Variants in PLCH1 observed in about 807,000 individuals in gnomAD.
PLCH1 encodes 1-phosphatidylinositol 4,5-bisphosphate phosphodiesterase eta-1.
Under a neutral mutation model 126.7 loss-of-function variants are expected in PLCH1, and 60 were observed. That is an observed-to-expected ratio of 0.47 (90% CI 0.38 to 0.59). PLCH1 has a LOEUF of 0.59. Ranked by LOEUF, PLCH1 falls within the 20% of genes least tolerant of loss-of-function variation. The pLI, the probability that PLCH1 is intolerant of heterozygous loss-of-function variation, is 0.00. For synonymous variants in PLCH1, 719 were observed against 734.9 expected (o/e 0.98, Z 0.35); for missense variants, 1,723 against 2,040.0 (o/e 0.84, Z 2.99).
At chr3:155,659,644 G>A (rs191928517) in intron 2 of PLCH1, among the ~76,000 whole-genome samples, 331 of 151,778 alleles carry the variant, frequency 2.2e-3, no homozygotes, top group Non-Finnish European at 4.1e-3. Context: ...GATGACAGGC[G>A]CCCACCACCA....
At chr3:155,541,333 A>G (rs1286743353) in intron 10 of PLCH1, among the ~76,000 whole-genome samples, 1 of 152,206 alleles carries the variant, frequency 6.6e-6, no homozygotes, top group Admixed American at 6.5e-5. Context: ...ATCACCACTA[A>G]AAAACTTATC....
chr3:155,579,395 C>A (rs753447118), intron 6 of PLCH1, among the ~76,000 whole-genome samples: 14 of 152,218 alleles, frequency 9.2e-5, no homozygotes, highest in Non-Finnish European at 1.5e-4. Flanking sequence ...ATTTAATTCT[C>A]ACTCTACTCT....
Position 155,584,965 on chromosome 3 carries a change from G to T in PLCH1, c.600+1100C>A, listed in dbSNP as rs188040872. 3.9e-5 allele frequency among the ~76,000 whole-genome samples: 6 copies of T among 152,210 alleles called. No individual in the cohort carries two copies. In the East Asian group the frequency reaches 1.2e-3, roughly 29 times the overall value. Reference sequence around the variant, plus strand: ...GCTCACAGCAGGGCAAAAGTGAGATGACACGGAATACCAGAAACATGGCAA... The same window carrying T: ...GCTCACAGCAGGGCAAAAGTGAGATTACACGGAATACCAGAAACATGGCAA... On this transcript the variant is annotated intron_variant, in intron 5 of 22. Coordinates refer to ENST00000460012, the MANE Select transcript of PLCH1 (RefSeq NM_014996.4).
chr3:155,567,746 C>T (rs1312707737), intron 7 of PLCH1, among the ~76,000 whole-genome samples: 1 of 152,310 alleles, frequency 6.6e-6, no homozygotes, highest in South Asian at 2.1e-4. Context: ...TTGAGCCTCA[C>T]TTCCTCAACT....
rs545552918 is a variant in PLCH1, at chr3:155,583,074, T to C, written c.771+398A>G. Among the ~76,000 whole-genome samples, 30 of 150,190 alleles carry C rather than the reference T, an allele frequency of 2.0e-4. No homozygotes were observed. In the South Asian group the frequency reaches 5.8e-3, roughly 29 times the overall value. On this transcript the variant is annotated intron_variant, in intron 6 of 22. Coordinates refer to ENST00000460012, the MANE Select transcript of PLCH1 (RefSeq NM_014996.4). ...TTATTAGTATAAATATAAATTTATA[T>C]TTAAAATAAATAAATTTGACTAAAT... is the stretch of plus-strand genomic sequence containing the variant.
intron 21 of PLCH1, among the ~76,000 whole-genome samples, chr3:155,473,771 A>G (rs1233316400): frequency 1.5e-4 from 22 of 151,320 alleles, no homozygotes; most frequent in Middle Eastern, 3.4e-3. Flanking sequence ...AAATAACACC[A>G]CATATCTACA....
At chr3:155,697,814 G>A (rs1003855872) in intron 2 of PLCH1, among the ~76,000 whole-genome samples, 5 of 152,202 alleles carry the variant, frequency 3.3e-5, no homozygotes, top group African/African-American at 1.2e-4. Flanking sequence ...CTTGGTAACA[G>A]AGGGAGCCAG....
At chr3:155,566,186 T>TATATGTATATATAC in intron 7 of PLCH1, among the ~76,000 whole-genome samples, 1 of 56,040 alleles carries the variant, frequency 1.8e-5, no homozygotes. Context: ...TATATACACA[T>TATATGTATATATAC]ATATATACAC....
chr3:155,500,431 G>A (rs2108136276), intron 14 of PLCH1, among the ~76,000 whole-genome samples: 1 of 152,300 alleles, frequency 6.6e-6, no homozygotes, highest in African/African-American at 2.4e-5. Context: ...CTTTGTATTA[G>A]TTCATGTGCT....
At chr3:155,555,714 C>T (rs975243707) in intron 8 of PLCH1, among the ~76,000 whole-genome samples, 20 of 152,260 alleles carry the variant, frequency 1.3e-4, no homozygotes, top group Non-Finnish European at 2.1e-4. Flanking sequence ...TGTGTCTTTT[C>T]TTCTTTCTTT....
chr3:155,610,885 A>G (rs1051450145), intron 2 of PLCH1, among the ~76,000 whole-genome samples: 7 of 152,196 alleles, frequency 4.6e-5, no homozygotes, highest in Admixed American at 2.0e-4. Context: ...TTGAATATAA[A>G]TGGCCTAAAT....
chr3:155,729,631 T>A (rs547221180), intron 1 of PLCH1, among the ~76,000 whole-genome samples: 111 of 152,318 alleles, frequency 7.3e-4, no homozygotes, highest in African/African-American at 2.6e-3. Context: ...AAAGAACATA[T>A]AAGGAAATTG....
At chr3:155,588,162 C>T (rs1005633835) in intron 4 of PLCH1, among the ~76,000 whole-genome samples, 4 of 152,094 alleles carry the variant, frequency 2.6e-5, no homozygotes, top group African/African-American at 7.2e-5. Flanking sequence ...ATTTTCAGAT[C>T]GCCTTACTTC....
chr3:155,463,122 C>G (rs1207972328), intron 21 of PLCH1, among the ~76,000 whole-genome samples: 1 of 152,158 alleles, frequency 6.6e-6, no homozygotes, highest in African/African-American at 2.4e-5. Flanking sequence ...TGTATTTCCT[C>G]TCCTGTCTCT....
intron 10 of PLCH1, among the ~76,000 whole-genome samples, chr3:155,539,160 A>T (rs996919551): frequency 9.9e-5 from 15 of 152,202 alleles, no homozygotes; most frequent in African/African-American, 3.6e-4. Context: ...AAATCACATG[A>T]TCATCTCAAT....
intron 12 of PLCH1, among the ~76,000 whole-genome samples, chr3:155,505,168 G>C (rs914401416): frequency 6.6e-6 from 1 of 152,150 alleles, no homozygotes; most frequent in Non-Finnish European, 1.5e-5. Flanking sequence ...GATTGTTTTT[G>C]TTTAAAGTAA....
chr3:155,525,469 C>T (rs1186067622), intron 10 of PLCH1, among the ~76,000 whole-genome samples: 5 of 152,142 alleles, frequency 3.3e-5, no homozygotes, highest in South Asian at 2.1e-4. Context: ...TCTAGATCCA[C>T]GAGCAATGAA....
In PLCH1 at chr3:155,529,848, C is replaced by T. The variant is rs574032974; in HGVS notation, c.1363-5844G>A. On this transcript the variant is annotated intron_variant, in intron 10 of 22. Coordinates refer to ENST00000460012, the MANE Select transcript of PLCH1 (RefSeq NM_014996.4). ...ATGGCACGACCTCGGCTCACTGCAA[C>T]CTCCGCCCCCCGGGTTCAAGCGATT... Among the ~76,000 whole-genome samples, 30 of 152,216 alleles carry T rather than the reference C, an allele frequency of 2.0e-4. No individual in the cohort carries two copies. In the South Asian group the frequency reaches 5.6e-3, roughly 28 times the overall value.
intron 1 of PLCH1, among the ~76,000 whole-genome samples, chr3:155,720,988 C>T (rs1355033146): frequency 6.6e-6 from 1 of 152,024 alleles, no homozygotes; most frequent in Non-Finnish European, 1.5e-5. Context: ...TGTCCTTTCC[C>T]CATGTTTTGT....
Sources: allele counts gnomAD v4.1 joint callset (sites outside exome capture counted in the v4.1 genomes callset), GRCh38; gene constraint gnomAD v4.1.1; transcripts MANE v1.5; gene names NCBI Gene and HGNC (gene_info 2026-07-23, HGNC 2026-07-21).